Variants in DCLK1 observed in about 807,000 individuals in gnomAD.
DCLK1 encodes the protein serine/threonine-protein kinase DCLK1.
A neutral mutation model predicts 86.2 loss-of-function variants in DCLK1; 16 were observed. The ratio of observed to expected loss-of-function variants is 0.19; its 90% CI spans 0.13 to 0.28. The LOEUF is 0.28. Ranked by LOEUF, DCLK1 falls within the 10% of genes least tolerant of loss-of-function variation. The probability of loss-of-function intolerance (pLI) is 1.00; values close to 1 mark genes in which losing one functional copy is unlikely to be tolerated. For missense variants in DCLK1, 590 were observed against 940.2 expected, an observed-to-expected ratio of 0.63 and a Z score of 4.87; for synonymous variants, 369 against 370.5, an observed-to-expected ratio of 1.00 and a Z score of 0.05.
At chr13:36,122,290 T>C (rs1886020488) in intron 2 of DCLK1, among the ~76,000 whole-genome samples, 1 of 152,082 alleles carries the variant, frequency 6.6e-6, no homozygotes, top group Non-Finnish European at 1.5e-5. Context: ...GCAACGTCCA[T>C]ACAGGGTTAG....
intron 3 of DCLK1, among the ~76,000 whole-genome samples, chr13:35,998,962 T>A (rs1395147527): frequency 2.0e-5 from 3 of 152,016 alleles, no homozygotes; most frequent in Admixed American, 6.6e-5. Flanking sequence ...AATTAAAAAA[T>A]TTCCCAAATA....
intron 3 of DCLK1, among the ~76,000 whole-genome samples, chr13:36,038,937 C>A (rs760349265): frequency 1.3e-5 from 2 of 152,134 alleles, no homozygotes; most frequent in Non-Finnish European, 2.9e-5. Flanking sequence ...AGAATGTAAT[C>A]CCCTGTGTGT....
chr13:35,888,490 G>A (rs1177028118), intron 4 of DCLK1, among the ~76,000 whole-genome samples: 1 of 152,104 alleles, frequency 6.6e-6, no homozygotes. Context: ...ACAACAAGGG[G>A]TCAAATGTGG....
chr13:35,925,125 G>A (rs1876037752), intron 4 of DCLK1, among the ~76,000 whole-genome samples: 1 of 152,176 alleles, frequency 6.6e-6, no homozygotes, highest in African/African-American at 2.4e-5. Context: ...TAGAATAAAA[G>A]TTTCCTGGCT....
rs539972532 is a variant in DCLK1, at chr13:35,770,920, G to A, written c.*3615C>T. On this transcript the variant is annotated 3_prime_UTR_variant, in exon 17 of 17. Transcript: ENST00000360631. ...AGCCCTGTATAGCAAACTTCAGCCT[G>A]GGGCACATTTTTATGGTCAAATTAA... 5 of 152,224 alleles carry A rather than the reference G, an allele frequency of 3.3e-5. No individual in the cohort carries two copies. In the South Asian group the frequency reaches 1.0e-3, roughly 32 times the overall value. The allele number at this position is 152,224 out of a possible 1,614,324, so 9.4% of individuals were successfully genotyped here.
chr13:35,890,103 C>T (rs772150307), intron 4 of DCLK1, among the ~76,000 whole-genome samples: 7 of 151,812 alleles, frequency 4.6e-5, no homozygotes, highest in Non-Finnish European at 1.0e-4. Context: ...TAAAAATGTT[C>T]TTGCATTTTA....
intron 15 of DCLK1, among the ~76,000 whole-genome samples, chr13:35,799,301 G>C (rs373176776): frequency 1.1e-4 from 17 of 151,900 alleles, no homozygotes; most frequent in African/African-American, 4.1e-4. Context: ...GCCCAGGTTA[G>C]AGTGCAATGG....
At chr13:35,975,730 G>T (rs904081197) in intron 3 of DCLK1, among the ~76,000 whole-genome samples, 5 of 152,094 alleles carry the variant, frequency 3.3e-5, no homozygotes, top group African/African-American at 7.2e-5. Flanking sequence ...TTCCTTCATG[G>T]CTCTGCCCTA....
At chr13:35,968,692 T>C (rs1878903449) in intron 3 of DCLK1, among the ~76,000 whole-genome samples, 1 of 152,034 alleles carries the variant, frequency 6.6e-6, no homozygotes, top group African/African-American at 2.4e-5. Context: ...CGAGATTGGG[T>C]ACTGACACAC....
intron 4 of DCLK1, among the ~76,000 whole-genome samples, chr13:35,899,740 G>A (rs1874233410): frequency 6.6e-6 from 1 of 152,026 alleles, no homozygotes; most frequent in Non-Finnish European, 1.5e-5. Flanking sequence ...TTACAACTTT[G>A]GAAGCTTATA....
At chr13:35,941,124 A>G (rs1033800490) in intron 4 of DCLK1, among the ~76,000 whole-genome samples, 3 of 152,194 alleles carry the variant, frequency 2.0e-5, no homozygotes, top group Non-Finnish European at 4.4e-5. Flanking sequence ...TGTCTTCTCA[A>G]CACAATCCCA....
At chr13:36,025,942 G>A (rs191173275) in intron 3 of DCLK1, among the ~76,000 whole-genome samples, 1 of 152,068 alleles carries the variant, frequency 6.6e-6, no homozygotes, top group Non-Finnish European at 1.5e-5. Context: ...AGATAATTAG[G>A]ACTTGATCTA....
At chr13:35,853,101 C>G (rs746846105) in intron 6 of DCLK1, among the ~76,000 whole-genome samples, 7 of 152,194 alleles carry the variant, frequency 4.6e-5, no homozygotes, top group Non-Finnish European at 7.3e-5. Flanking sequence ...CACTCAAGGA[C>G]AGGCCTTTAG....
intron 3 of DCLK1, among the ~76,000 whole-genome samples, chr13:36,097,263 C>T (rs1040254283): frequency 2.0e-5 from 3 of 152,198 alleles, no homozygotes; most frequent in Admixed American, 1.3e-4. Flanking sequence ...AAGGAACTTT[C>T]TTGGTCAAAG....
chr13:35,801,052 C>T (rs1391964874), intron 15 of DCLK1, among the ~76,000 whole-genome samples: 1 of 151,978 alleles, frequency 6.6e-6, no homozygotes, highest in Non-Finnish European at 1.5e-5. Flanking sequence ...CCAAGTATGC[C>T]AAGTAAAAAA....
intron 4 of DCLK1, among the ~76,000 whole-genome samples, chr13:35,883,120 G>C (rs1873019110): frequency 6.6e-6 from 1 of 152,188 alleles, no homozygotes. Context: ...ACAACCAAGT[G>C]AGGGGCTTGG....
intron 3 of DCLK1, among the ~76,000 whole-genome samples, chr13:36,036,495 G>A (rs1009227293): frequency 1.3e-5 from 2 of 152,116 alleles, no homozygotes; most frequent in African/African-American, 2.4e-5. Context: ...ACGGCAAGTC[G>A]AATAAATACC....
At chr13:35,947,117 G>A (rs971276776) in intron 4 of DCLK1, among the ~76,000 whole-genome samples, 4 of 151,934 alleles carry the variant, frequency 2.6e-5, no homozygotes, top group Non-Finnish European at 4.4e-5. Flanking sequence ...TTATTAAGTG[G>A]TTATAAATTA....
At chr13:35,884,282 G>T (rs1373089715) in intron 4 of DCLK1, among the ~76,000 whole-genome samples, 1 of 151,976 alleles carries the variant, frequency 6.6e-6, no homozygotes, top group Non-Finnish European at 1.5e-5. Context: ...GCAAATATCT[G>T]TCCTCCTTCA....
Sources: gnomAD v4.1 joint callset for allele counts (sites outside exome capture counted in the v4.1 genomes callset) on GRCh38, gnomAD v4.1.1 for gene constraint, MANE v1.5 for transcripts, NCBI Gene and HGNC (gene_info 2026-07-23, HGNC 2026-07-21) for gene names.